Variants in CSMD1 observed in about 807,000 individuals in gnomAD.
The protein encoded by CSMD1 is CUB and sushi domain-containing protein 1.
CSMD1 carries 213 observed loss-of-function variants against 417.5 expected under a neutral mutation model. The ratio of observed to expected loss-of-function variants is 0.51; its 90% confidence interval spans 0.46 to 0.57. The LOEUF (loss-of-function observed/expected upper bound fraction) is 0.57. Ranked by LOEUF, CSMD1 falls within the 20% of genes least tolerant of loss-of-function variation. CSMD1 has a pLI of 0.00. For synonymous variants in CSMD1, 2,862 were observed against 1,736.8 expected, an observed-to-expected ratio of 1.65 and a Z score of -16.11; for missense variants, 6,923 against 4,529.7, an observed-to-expected ratio of 1.53 and a Z score of -15.17.
At chr8:4,740,107 T>A (rs550652288) in intron 1 of CSMD1, among the ~76,000 whole-genome samples, 2 of 152,078 alleles carry the variant, frequency 1.3e-5, no homozygotes, top group Non-Finnish European at 2.9e-5. Flanking sequence ...TCTACTGCCA[T>A]TTTATCTGTA....
chr8:3,439,475 G>A (rs962010716), intron 12 of CSMD1, among the ~76,000 whole-genome samples: 11 of 133,048 alleles, frequency 8.3e-5, no homozygotes, highest in African/African-American at 2.8e-4. Flanking sequence ...TCCTAACTCT[G>A]TGACTCTGTG....
chr8:3,911,501 C>A (rs1278742126), intron 5 of CSMD1, among the ~76,000 whole-genome samples: 1 of 148,662 alleles, frequency 6.7e-6, no homozygotes, highest in Non-Finnish European at 1.5e-5. Flanking sequence ...GCACTCCAGC[C>A]TGGGCAACAG....
chr8:3,771,316 T>A (rs1303063116), intron 5 of CSMD1, among the ~76,000 whole-genome samples: 1 of 152,176 alleles, frequency 6.6e-6, no homozygotes, highest in Admixed American at 6.5e-5. Flanking sequence ...CCTTGCTTAC[T>A]CTCAGGGATA....
chr8:4,323,541 G>C (rs995070021), intron 3 of CSMD1, among the ~76,000 whole-genome samples: 1 of 152,026 alleles, frequency 6.6e-6, no homozygotes, highest in African/African-American at 2.4e-5. Context: ...TGACCAGTGT[G>C]GGTGATCTAT....
At chr8:4,972,846 G>C (rs1042714281) in intron 1 of CSMD1, among the ~76,000 whole-genome samples, 1 of 152,106 alleles carries the variant, frequency 6.6e-6, no homozygotes, top group African/African-American at 2.4e-5. Flanking sequence ...CCAGTATCTG[G>C]AATGAAGTGA....
At chr8:3,853,623 T>C (rs1017046870) in intron 5 of CSMD1, among the ~76,000 whole-genome samples, 2 of 152,062 alleles carry the variant, frequency 1.3e-5, no homozygotes, top group South Asian at 2.1e-4. Context: ...AAGGAGACCT[T>C]GTGCCCCTGT....
chr8:4,148,263 C>A (rs183297586), intron 3 of CSMD1, among the ~76,000 whole-genome samples: 1 of 150,572 alleles, frequency 6.6e-6, no homozygotes, highest in African/African-American at 2.4e-5. Context: ...CAAACTATCA[C>A]AAGGACAAAA....
chr8:3,627,520 A>G (rs1584983175), intron 7 of CSMD1, among the ~76,000 whole-genome samples: 1 of 152,146 alleles, frequency 6.6e-6, no homozygotes, highest in South Asian at 2.1e-4. Flanking sequence ...ATATGAGACT[A>G]CTTTTAGTAT....
intron 10 of CSMD1, among the ~76,000 whole-genome samples, chr8:3,561,459 A>G (rs1330615571): frequency 1.3e-5 from 2 of 149,318 alleles, no homozygotes; most frequent in Non-Finnish European, 1.5e-5. Flanking sequence ...TCATAAAATG[A>G]TACATTTCTT....
intron 10 of CSMD1, among the ~76,000 whole-genome samples, chr8:3,523,006 T>TATACACACAC (rs1554453429): frequency 4.4e-5 from 5 of 113,334 alleles, no homozygotes; most frequent in African/African-American, 1.8e-4. Flanking sequence ...GATACATATA[T>TATACACACAC]ACACACACCC....
chr8:3,218,363 C>A (rs968658322), intron 29 of CSMD1, among the ~76,000 whole-genome samples: 13 of 151,006 alleles, frequency 8.6e-5, no homozygotes, highest in Non-Finnish European at 1.6e-4. Flanking sequence ...AGATCGAGAT[C>A]ATCCTGGCTA....
At chr8:4,605,507 G>C (rs1485401493) in intron 2 of CSMD1, among the ~76,000 whole-genome samples, 1 of 152,110 alleles carries the variant, frequency 6.6e-6, no homozygotes, top group African/African-American at 2.4e-5. Flanking sequence ...TTACCTAATT[G>C]ACCAGGAAAC....
intron 1 of CSMD1, among the ~76,000 whole-genome samples, chr8:4,645,636 G>A (rs944713985): frequency 6.6e-6 from 1 of 151,800 alleles, no homozygotes. Flanking sequence ...CTGGCAAAAA[G>A]AGATGTCGAA....
chr8:4,837,742 TAACAAA>T (rs1451309930), intron 1 of CSMD1, among the ~76,000 whole-genome samples: 1 of 152,100 alleles, frequency 6.6e-6, no homozygotes, highest in Non-Finnish European at 1.5e-5. Context: ...CATTTAAAAA[TAACAAA>T]GAGTATAACT....
chr8:4,091,726 G>C (rs1002168591), intron 3 of CSMD1, among the ~76,000 whole-genome samples: 1 of 152,182 alleles, frequency 6.6e-6, no homozygotes, highest in Non-Finnish European at 1.5e-5. Context: ...GCCTCGCTTG[G>C]TGTGCTGGTG....
intron 1 of CSMD1, among the ~76,000 whole-genome samples, chr8:4,738,845 CAGGTTGCTTATTT>C (rs1244486628): frequency 6.6e-6 from 1 of 151,726 alleles, no homozygotes; most frequent in Non-Finnish European, 1.5e-5. Context: ...AAAAAATACA[CAGGTTGCTTATTT>C]AGGAACTACA....
chr8:3,493,991 T>C (rs1202421256), intron 10 of CSMD1, among the ~76,000 whole-genome samples: 1 of 152,236 alleles, frequency 6.6e-6, no homozygotes, highest in East Asian at 1.9e-4. Context: ...TCTGCAACAC[T>C]TTAAGCCAAA....
chr8:3,255,883 C>G (rs1305339791), intron 26 of CSMD1, among the ~76,000 whole-genome samples: 1 of 152,214 alleles, frequency 6.6e-6, no homozygotes, highest in Non-Finnish European at 1.5e-5. Context: ...CCTGCACCCA[C>G]TTTCCGACAC....
intron 49 of CSMD1, among the ~76,000 whole-genome samples, chr8:3,083,634 ATATATATATATATATT>A (rs1814285336): frequency 1.3e-4 from 3 of 23,346 alleles, no homozygotes; most frequent in Non-Finnish European, 2.3e-4. Flanking sequence ...ATATATATAT[ATATATATATATATATT>A]TTTTTTTTTT....
Sources: allele counts gnomAD v4.1 joint callset (sites outside exome capture counted in the v4.1 genomes callset), GRCh38; gene constraint gnomAD v4.1.1; transcripts MANE v1.5; gene names NCBI Gene and HGNC (gene_info 2026-07-23, HGNC 2026-07-21).